Variants in TAF12 observed in about 807,000 individuals in gnomAD.
The protein encoded by TAF12 is TATA-box binding protein associated factor 12.
Under a neutral mutation model 20.8 loss-of-function variants are expected in TAF12, and 3 were observed. The ratio of observed to expected loss-of-function variants is 0.14; its 90% CI spans 0.07 to 0.37. The LOEUF is 0.37. Among genes scored for constraint, TAF12 ranks in the 10% least tolerant of loss-of-function variants. The probability of loss-of-function intolerance (pLI) is 1.00; values close to 1 mark genes in which losing one functional copy is unlikely to be tolerated. For synonymous variants in TAF12, 69 were observed against 70.2 expected (o/e 0.98, Z 0.09); for missense variants, 131 against 197.9 (o/e 0.66, Z 2.03).
upstream of TAF12, among the ~76,000 whole-genome samples, chr1:28,644,491 C>T (rs551426091): frequency 1.3e-5 from 2 of 152,316 alleles, no homozygotes; most frequent in South Asian, 4.1e-4. Context: ...AATGTATATA[C>T]GTTCATTTGA....
chr1:28,637,358 C>T (rs906655127), intron 1 of TAF12, among the ~76,000 whole-genome samples: 1 of 151,976 alleles, frequency 6.6e-6, no homozygotes, highest in Non-Finnish European at 1.5e-5. Context: ...TTCTAAAGTC[C>T]CTTTCAGCAT....
intron 1 of TAF12, chr1:28,642,588 G>A: frequency 1.0e-6 from 1 of 965,292 alleles, no homozygotes; most frequent in Non-Finnish European, 1.2e-6. Context: ...GAATCCTTAG[G>A]AGCCCGGGTC....
upstream of TAF12, among the ~76,000 whole-genome samples, chr1:28,647,287 GTTTT>G (rs920176326): frequency 1.5e-5 from 2 of 135,232 alleles, no homozygotes; most frequent in African/African-American, 5.2e-5. Context: ...GTCACATATT[GTTTT>G]TTTTTTATTT....
chr1:28,629,329 C>T (rs1570325820), intron 1 of TAF12, among the ~76,000 whole-genome samples: 1 of 151,820 alleles, frequency 6.6e-6, no homozygotes, highest in South Asian at 2.1e-4. Flanking sequence ...TCATACTCAC[C>T]CTTTTCTTCC....
chr1:28,637,774 G>A (rs1667887805), intron 1 of TAF12, among the ~76,000 whole-genome samples: 1 of 152,064 alleles, frequency 6.6e-6, no homozygotes, highest in African/African-American at 2.4e-5. Flanking sequence ...CAACACACCT[G>A]TTTCACAGTG....
upstream of TAF12, among the ~76,000 whole-genome samples, chr1:28,645,202 A>AT (rs375753790): frequency 0.047 from 7,041 of 150,754 alleles, 238 homozygotes; most frequent in East Asian, 0.14. Context: ...CGCCCGGCTA[A>AT]TTTTTTGTAT....
intron 1 of TAF12, among the ~76,000 whole-genome samples, chr1:28,637,538 G>A (rs1183347735): frequency 2.0e-5 from 3 of 151,858 alleles, no homozygotes; most frequent in South Asian, 2.1e-4. Flanking sequence ...TGTGGCGCGC[G>A]CTTATAGTCC....
At chr1:28,627,684 A>AG (rs1667464072) in intron 1 of TAF12, among the ~76,000 whole-genome samples, 2 of 150,562 alleles carry the variant, frequency 1.3e-5, no homozygotes, top group South Asian at 2.1e-4. Flanking sequence ...AAAAAAAAAA[A>AG]AAACTAAAAA....
upstream of TAF12, among the ~76,000 whole-genome samples, chr1:28,644,215 C>A (rs984960080): frequency 6.6e-6 from 1 of 152,150 alleles, no homozygotes; most frequent in Non-Finnish European, 1.5e-5. Context: ...CAGAGTGAGC[C>A]ACATAGAAAT....
chr1:28,645,612 C>T (rs1427892419), upstream of TAF12, among the ~76,000 whole-genome samples: 1 of 151,540 alleles, frequency 6.6e-6, no homozygotes, highest in East Asian at 2.0e-4. Flanking sequence ...TGAGCCAGTG[C>T]ACTCCAGCCT....
At chr1:28,626,598 A>T (rs1436288844) in intron 1 of TAF12, among the ~76,000 whole-genome samples, 1 of 151,112 alleles carries the variant, frequency 6.6e-6, no homozygotes, top group Non-Finnish European at 1.5e-5. Context: ...AAAAAAAAAA[A>T]AGCAAATAAA....
upstream of TAF12, among the ~76,000 whole-genome samples, chr1:28,645,698 C>T (rs553601561): frequency 6.6e-6 from 1 of 152,032 alleles, no homozygotes; most frequent in South Asian, 2.1e-4. Flanking sequence ...AGGCCAGGCA[C>T]TGTGGCTCAC....
At chr1:28,628,502 A>G (rs1240140955) in intron 1 of TAF12, among the ~76,000 whole-genome samples, 3 of 152,156 alleles carry the variant, frequency 2.0e-5, no homozygotes, top group Admixed American at 6.6e-5. Flanking sequence ...TAGGAGAGGA[A>G]TAGAGACTGG....
At chr1:28,644,645 T>C (rs567889502), upstream of TAF12, among the ~76,000 whole-genome samples, 52 of 152,312 alleles carry the variant, frequency 3.4e-4, 2 homozygotes, top group South Asian at 5.4e-3. Context: ...AAAAGGGTGA[T>C]AGAAGAGAAT....
intron 1 of TAF12, among the ~76,000 whole-genome samples, chr1:28,623,052 A>C (rs1370184418): frequency 3.3e-5 from 5 of 151,658 alleles, no homozygotes; most frequent in Admixed American, 3.3e-4. Context: ...AAAAAACAAA[A>C]CACAAAAAAC....
chr1:28,604,189 G>A (rs1185597703), intron 5 of TAF12, among the ~76,000 whole-genome samples: 1 of 152,172 alleles, frequency 6.6e-6, no homozygotes, highest in Non-Finnish European at 1.5e-5. Context: ...ACAGGCATGA[G>A]CCACTGCGCC....
intron 1 of TAF12, among the ~76,000 whole-genome samples, chr1:28,632,730 T>A (rs1667675604): frequency 6.6e-6 from 1 of 152,106 alleles, no homozygotes. Context: ...AGGAGCAGCA[T>A]GATTAAATCT....
At chr1:28,648,129 G>A (rs1028007096) in intron 1 of TAF12, 81 of 982,636 alleles carry the variant, frequency 8.2e-5, no homozygotes, top group African/African-American at 2.8e-4. Context: ...CCAAGGTGGT[G>A]GCTAGGGGTG....
intron 4 of TAF12, among the ~76,000 whole-genome samples, chr1:28,609,785 C>G (rs1410747352): frequency 6.6e-6 from 1 of 152,078 alleles, no homozygotes. Flanking sequence ...CCGTGTCTGG[C>G]CCCAATTCAC....
Sources: allele counts gnomAD v4.1 joint callset (sites outside exome capture counted in the v4.1 genomes callset), GRCh38; gene constraint gnomAD v4.1.1; transcripts MANE v1.5; gene names NCBI Gene and HGNC (gene_info 2026-07-23, HGNC 2026-07-21).